SCLT1: variants seen among roughly 807,000 people sequenced by gnomAD.
The protein encoded by SCLT1 is sodium channel-associated protein 1.
SCLT1 carries 78 observed loss-of-function variants against 112.8 expected under a neutral mutation model. The ratio of observed to expected loss-of-function variants is 0.69; its 90% CI spans 0.58 to 0.83. SCLT1 has a LOEUF of 0.83. Ranked by LOEUF, SCLT1 falls within the 40% of genes least tolerant of loss-of-function variation. SCLT1 has a pLI of 0.00. For synonymous variants in SCLT1, 257 were observed against 254.7 expected (o/e 1.01, Z -0.09); for missense variants, 747 against 770.4 (o/e 0.97, Z 0.36).
intron 13 of SCLT1, among the ~76,000 whole-genome samples, chr4:128,953,818 A>C (rs200436289): frequency 1.5e-5 from 2 of 135,456 alleles, no homozygotes; most frequent in Non-Finnish European, 3.3e-5. Flanking sequence ...AAACAAAAAA[A>C]CAAAAAAAAA....
intron 5 of SCLT1, among the ~76,000 whole-genome samples, chr4:129,006,305 C>T (rs528387523): frequency 2.6e-5 from 4 of 152,018 alleles, no homozygotes; most frequent in African/African-American, 7.2e-5. Context: ...TTTGGTAGGC[C>T]GAAGTGGGTG....
intron 2 of SCLT1, among the ~76,000 whole-genome samples, chr4:129,065,608 A>G (rs558117577): frequency 7.0e-6 from 1 of 142,098 alleles, no homozygotes; most frequent in East Asian, 2.1e-4. Flanking sequence ...ATCTAATGAA[A>G]CACATAGCGT....
intron 18 of SCLT1, among the ~76,000 whole-genome samples, chr4:128,892,259 C>G (rs928635238): frequency 1.3e-5 from 2 of 152,158 alleles, no homozygotes; most frequent in Non-Finnish European, 2.9e-5. Flanking sequence ...GTAATCTGAA[C>G]AAATATCAGA....
intron 18 of SCLT1, among the ~76,000 whole-genome samples, chr4:128,900,788 G>C (rs1457360710): frequency 1.3e-5 from 2 of 151,962 alleles, no homozygotes; most frequent in African/African-American, 4.8e-5. Flanking sequence ...TCTGACAAAG[G>C]GCTAATATCC....
chr4:129,014,078 T>C (rs1183367604), intron 5 of SCLT1, among the ~76,000 whole-genome samples: 1 of 152,236 alleles, frequency 6.6e-6, no homozygotes. Flanking sequence ...TCTGAGATTC[T>C]TTCCTCCACT....
intron 8 of SCLT1, among the ~76,000 whole-genome samples, chr4:128,996,605 A>G (rs1187599239): frequency 6.6e-6 from 1 of 152,142 alleles, no homozygotes; most frequent in Non-Finnish European, 1.5e-5. Context: ...GCTATTCATT[A>G]TATACATTAA....
At chr4:129,001,873 C>T (rs1560948577) in intron 6 of SCLT1, among the ~76,000 whole-genome samples, 1 of 151,924 alleles carries the variant, frequency 6.6e-6, no homozygotes, top group Non-Finnish European at 1.5e-5. Flanking sequence ...ATGTGCTAGA[C>T]ATATAAGCCT....
intron 2 of SCLT1, among the ~76,000 whole-genome samples, chr4:129,073,660 A>T (rs775018610): frequency 1.2e-4 from 18 of 152,096 alleles, no homozygotes; most frequent in Admixed American, 2.0e-4. Flanking sequence ...CTACTTATAG[A>T]TGCACAACAA....
At chr4:129,017,881 A>G (rs181977480) in intron 5 of SCLT1, among the ~76,000 whole-genome samples, 2 of 152,330 alleles carry the variant, frequency 1.3e-5, no homozygotes, top group Admixed American at 1.3e-4. Context: ...GTTCCAGTGT[A>G]AGTTCTGGAA....
chr4:129,090,105 T>G (rs34514942), intron 1 of SCLT1, among the ~76,000 whole-genome samples: 13,424 of 152,200 alleles, frequency 0.088, 760 homozygotes, highest in South Asian at 0.15. Flanking sequence ...TATCAAAAAT[T>G]TCAATACATA....
chr4:128,939,380 G>A (rs1004509204), intron 17 of SCLT1, among the ~76,000 whole-genome samples: 3 of 152,158 alleles, frequency 2.0e-5, no homozygotes, highest in Non-Finnish European at 4.4e-5. Flanking sequence ...AAGCACCATA[G>A]CCTTTAGTAT....
At chr4:128,991,111 G>T (rs1742529840) in intron 9 of SCLT1, among the ~76,000 whole-genome samples, 1 of 151,744 alleles carries the variant, frequency 6.6e-6, no homozygotes, top group Admixed American at 6.6e-5. Flanking sequence ...ACAAGACACA[G>T]AATAGCCAAA....
chr4:128,961,072 A>C (rs1739685506), intron 11 of SCLT1, among the ~76,000 whole-genome samples: 1 of 152,090 alleles, frequency 6.6e-6, no homozygotes, highest in South Asian at 2.1e-4. Flanking sequence ...CGCCACACTA[A>C]AAATTTAATA....
At chr4:128,970,630 C>T (rs1328276045) in intron 9 of SCLT1, 162 bp from the exon 10 acceptor site, 1 of 573,806 alleles carries the variant, frequency 1.7e-6, no homozygotes, top group Admixed American at 3.1e-5. Flanking sequence ...TAATGAAGTG[C>T]ATGTAGAAGA....
At chr4:129,039,753 T>C (rs1428427668) in intron 4 of SCLT1, 1 of 164,434 alleles carries the variant, frequency 6.1e-6, no homozygotes, top group African/African-American at 2.4e-5. Flanking sequence ...CTGATTAACG[T>C]TCTCTGAAGG....
intron 7 of SCLT1, 126 bp from the exon 8 acceptor site, chr4:128,998,065 T>G (rs937846411): frequency 9.6e-6 from 4 of 417,668 alleles, no homozygotes; most frequent in African/African-American, 8.3e-5. Context: ...GTAGTGTTTC[T>G]TATTACTATT....
At chr4:128,945,443 T>TA (rs550551545) in intron 16 of SCLT1, among the ~76,000 whole-genome samples, 1 of 151,998 alleles carries the variant, frequency 6.6e-6, no homozygotes, top group Admixed American at 6.6e-5. Flanking sequence ...GATCTCTTAC[T>TA]AAAAAAAATC....
At chr4:129,028,850 T>C (rs550344362) in intron 5 of SCLT1, among the ~76,000 whole-genome samples, 2 of 151,186 alleles carry the variant, frequency 1.3e-5, no homozygotes, top group South Asian at 2.1e-4. Flanking sequence ...AACCATCCCA[T>C]CAAAAAGTGG....
At chr4:128,987,571 C>T (rs558714353) in intron 9 of SCLT1, among the ~76,000 whole-genome samples, 2 of 152,172 alleles carry the variant, frequency 1.3e-5, no homozygotes, top group South Asian at 4.1e-4. Flanking sequence ...ACAAATGCAT[C>T]ACTCTCTCAA....
Sources: allele counts gnomAD v4.1 joint callset (sites outside exome capture counted in the v4.1 genomes callset), GRCh38; gene constraint gnomAD v4.1.1; transcripts MANE v1.5; gene names NCBI Gene and HGNC (gene_info 2026-07-23, HGNC 2026-07-21).